The following NLRP14 variants were observed in gnomAD, a reference collection of about 807,000 sequenced individuals.
NLRP14 encodes NACHT, LRR and PYD domains-containing protein 14.
NLRP14 carries 105 observed loss-of-function variants against 94.7 expected under a neutral mutation model. That is an observed-to-expected ratio of 1.11 (90% CI 0.95 to 1.30). The LOEUF (loss-of-function observed/expected upper bound fraction) is 1.30. Among genes scored for constraint, NLRP14 ranks in the 50% most tolerant of loss-of-function variants. The probability of loss-of-function intolerance (pLI) is 0.00; values close to 1 mark genes in which losing one functional copy is unlikely to be tolerated. For missense variants in NLRP14, 1,362 were observed against 1,254.1 expected, an observed-to-expected ratio of 1.09 and a Z score of -1.30; for synonymous variants, 508 against 459.9, an observed-to-expected ratio of 1.10 and a Z score of -1.34.
At chr11:7,028,211 A>T (rs538647542) in intron 1 of NLRP14, among the ~76,000 whole-genome samples, 134 of 152,206 alleles carry the variant, frequency 8.8e-4, no homozygotes, top group African/African-American at 3.1e-3. Context: ...CCAAAAATGT[A>T]CTCCTGAAAT....
the NLRP14 span, among the ~76,000 whole-genome samples, chr11:7,084,715 C>A: frequency 2.0e-5 from 3 of 152,148 alleles, no homozygotes; most frequent in Non-Finnish European, 2.9e-5. Context: ...TTATCATAAT[C>A]TTTATAATAA....
At chr11:7,060,285 C>T (rs1852596291) in intron 9 of NLRP14, among the ~76,000 whole-genome samples, 1 of 151,928 alleles carries the variant, frequency 6.6e-6, no homozygotes, top group Non-Finnish European at 1.5e-5. Context: ...TAATGAGGAC[C>T]AGAGGCATCA....
chr11:7,036,234 A>G (rs1394203100), intron 1 of NLRP14, among the ~76,000 whole-genome samples: 3 of 152,264 alleles, frequency 2.0e-5, no homozygotes, highest in Non-Finnish European at 4.4e-5. Flanking sequence ...TTTTGAATGA[A>G]TGAATGCCTT....
At chr11:7,065,454 T>C (rs1401910621) in intron 10 of NLRP14, among the ~76,000 whole-genome samples, 4 of 152,280 alleles carry the variant, frequency 2.6e-5, no homozygotes, top group Admixed American at 2.0e-4. Context: ...TAGATACTTT[T>C]GTATTTTTTA....
In NLRP14 at chr11:7,042,875, C is replaced by T. The variant is rs1435084289; in HGVS notation, c.849C>T (p.His283=). ...TGTGCGAAGACTGGACCCAAGAACA[C>T]CCAGTGTCCTTCCTCATGAGTAGTT... ...FALCEDWTQE[H]PVSFLMSSLL... The change falls in exon 4 of 12, where the codon CAC becomes CAT. Residue 283 remains histidine, a synonymous_variant. Transcript: ENST00000299481. The T allele has an allele frequency of 6.2e-7, 1 of 1,614,104 alleles. No individual in the cohort carries two copies. Among genetic ancestry groups the T allele is most frequent in the Admixed American group, 1.7e-5 (1 of 60,010 alleles).
In NLRP14 at chr11:7,043,142, C is replaced by T. The variant is rs753007425; in HGVS notation, c.1116C>T (p.Cys372=). 1.9e-6 allele frequency: 3 copies of T among 1,614,144 alleles called. No homozygotes were observed. The highest frequency in any genetic ancestry group is 2.5e-6 in the Non-Finnish European group (3 of 1,180,018). The change falls in exon 4 of 12, where the codon TGC becomes TGT. Residue 372 remains cysteine (C), a synonymous_variant. Transcript: ENST00000299481. ...GCATGTGCCAAGTCCCCCTAGTGTGCTGGGCCGCTTGTACTTGTCTGAAGC... is the reference window on the plus strand; with the variant it reads ...GCATGTGCCAAGTCCCCCTAGTGTGTTGGGCCGCTTGTACTTGTCTGAAGC... ...LFSMCQVPLV[C]WAACTCLKQQ...
Position 7,043,096 on chromosome 11 carries a change from A to C in NLRP14, c.1070A>C (p.Lys357Thr), listed in dbSNP as rs1414788740. Residue 357 changes from lysine to threonine, a missense_variant, in exon 4 of 12, where the codon AAA becomes ACA. Lys to Thr is a moderately conservative substitution (Grantham distance 78, BLOSUM62 -1). Transcript: ENST00000299481. ...RWAMKVFSSLKSNEMLFSMCQ... is the reference protein window; with the variant it reads ...RWAMKVFSSLTSNEMLFSMCQ... ...GCCATGAAAGTATTCAGTTCACTAAAAAGCAATGAGATGCTGTTTAGCATG... is the reference window on the plus strand; with the variant it reads ...GCCATGAAAGTATTCAGTTCACTAACAAGCAATGAGATGCTGTTTAGCATG... 2 of 1,614,184 alleles carry C rather than the reference A, an allele frequency of 1.2e-6. No homozygotes were observed. The highest frequency in any genetic ancestry group is 1.7e-6 in the Non-Finnish European group (2 of 1,180,038).
intron 3 of NLRP14, 137 bp downstream of exon 3, chr11:7,039,922 A>AAAAAGGATC: frequency 1.3e-6 from 1 of 749,390 alleles, no homozygotes; most frequent in Admixed American, 2.0e-5. Context: ...AATGTCACCC[A>AAAAAGGATC]AAAAGGATCA....
In NLRP14 at chr11:7,020,536, A is replaced by G. The variant is rs1471326195; in HGVS notation, c.-256A>G. 14 of 152,442 alleles carry G rather than the reference A, an allele frequency of 9.2e-5. No homozygotes were observed. The highest frequency in any genetic ancestry group is 5.9e-5 in the Non-Finnish European group (4 of 68,102). The allele number at this position is 152,442 out of a possible 1,614,324, so 9.4% of individuals were successfully genotyped here. On this transcript the variant is annotated 5_prime_UTR_variant, in exon 1 of 12. Transcript: ENST00000299481. The stretch of plus-strand genomic sequence containing the variant: ...GGGGATAAGGCGAGGACGCACCAGC[A>G]TTAATGGAATAGGAGAACTCCCGAA...
chr11:7,060,456 T>C (rs1406954124), intron 9 of NLRP14, among the ~76,000 whole-genome samples: 1 of 151,892 alleles, frequency 6.6e-6, no homozygotes, highest in Non-Finnish European at 1.5e-5. Context: ...TTCAAAGAAA[T>C]TGGGAAGGAG....
chr11:7,048,662 C>T (rs903398981), intron 5 of NLRP14, among the ~76,000 whole-genome samples: 2 of 152,098 alleles, frequency 1.3e-5, no homozygotes, highest in African/African-American at 4.8e-5. Context: ...GTTATGATTA[C>T]GGGGTTCCTG....
At chr11:7,069,221 T>C in intron 10 of NLRP14, among the ~76,000 whole-genome samples, 1 of 152,232 alleles carries the variant, frequency 6.6e-6, no homozygotes, top group Non-Finnish European at 1.5e-5. Context: ...GAAGATTTTG[T>C]GTGATATTTA....
chr11:7,089,430 C>T, the NLRP14 span: 1 of 1,551,156 alleles, frequency 6.4e-7, no homozygotes, highest in Non-Finnish European at 8.7e-7. Flanking sequence ...CAGCCGCGGT[C>T]GCCCGAGGTT....
chr11:7,062,455 T>C lies in NLRP14; in HGVS notation c.2927T>C (p.Ile976Thr). Residue 976 changes from isoleucine to threonine, a missense_variant, in exon 10 of 12, where the codon ATT becomes ACT. Physicochemically the swap from Ile to Thr is moderately conservative, Grantham distance 89. Transcript: ENST00000299481. ...NNDLQDDGVKILCDALRYPNC... is the reference protein window; with the variant it reads ...NNDLQDDGVKTLCDALRYPNC... ...GATTTGCAGGATGATGGAGTGAAAATTCTGTGTGATGCTTTGAGATATCCA... is the reference window on the plus strand; with the variant it reads ...GATTTGCAGGATGATGGAGTGAAAACTCTGTGTGATGCTTTGAGATATCCA... 6.2e-7 allele frequency: 1 copy of C among 1,613,204 alleles called. No homozygotes were observed. Among genetic ancestry groups the C allele is most frequent in the Non-Finnish European group, 8.5e-7 (1 of 1,179,426 alleles).
intron 10 of NLRP14, among the ~76,000 whole-genome samples, chr11:7,067,188 CT>C (rs1172147789): frequency 2.6e-5 from 4 of 152,060 alleles, no homozygotes; most frequent in Non-Finnish European, 5.9e-5. Context: ...TATACGGGCT[CT>C]TTTTTGGTTC....
At chr11:7,039,814 G>T in intron 3 of NLRP14, 29 bp downstream of exon 3, 3 of 1,557,134 alleles carry the variant, frequency 1.9e-6, no homozygotes, top group Non-Finnish European at 1.8e-6. Flanking sequence ...CATCAGATTT[G>T]GGAGGCATTC....
intron 5 of NLRP14, among the ~76,000 whole-genome samples, chr11:7,048,991 A>T (rs1852400406): frequency 6.8e-6 from 1 of 146,172 alleles, no homozygotes; most frequent in Admixed American, 7.0e-5. Flanking sequence ...TCCTGTGTGT[A>T]CTTGCCTGGG....
downstream of NLRP14, among the ~76,000 whole-genome samples, chr11:7,073,466 A>G (rs372789768): frequency 7.2e-5 from 11 of 152,312 alleles, no homozygotes; most frequent in East Asian, 1.5e-3. Context: ...TGGGTGTCCT[A>G]TAATTCAATT....
chr11:7,089,484 C>T, the NLRP14 span: 2 of 1,255,494 alleles, frequency 1.6e-6, no homozygotes, highest in Middle Eastern at 2.6e-4. Context: ...GCGGCGTTCC[C>T]CATCCCGGGG....
Sources: gnomAD v4.1 joint callset for allele counts (sites outside exome capture counted in the v4.1 genomes callset) on GRCh38, gnomAD v4.1.1 for gene constraint, MANE v1.5 for transcripts, NCBI Gene and HGNC (gene_info 2026-07-23, HGNC 2026-07-21) for gene names.